The following EFR3A variants were observed in gnomAD, a reference collection of about 807,000 sequenced individuals.
EFR3A encodes the protein EFR3 homolog A.
EFR3A carries 76 observed loss-of-function variants against 104.4 expected under a neutral mutation model. That is an observed-to-expected ratio of 0.73 (90% CI 0.60 to 0.88). EFR3A has a LOEUF of 0.88. EFR3A is among the 40% of genes least tolerant of loss of function. EFR3A has a pLI of 0.00. For synonymous variants in EFR3A, 330 were observed against 330.0 expected, an observed-to-expected ratio of 1.00 and a Z score of 0.00; for missense variants, 985 against 1,012.5, an observed-to-expected ratio of 0.97 and a Z score of 0.37.
At chr8:131,942,722 C>T (rs1482336568) in intron 2 of EFR3A, among the ~76,000 whole-genome samples, 1 of 152,044 alleles carries the variant, frequency 6.6e-6, no homozygotes, top group Admixed American at 6.6e-5. Flanking sequence ...GTTGGAACAT[C>T]TCACCCAAAC....
chr8:132,001,399 C>T (rs891832256), intron 19 of EFR3A, among the ~76,000 whole-genome samples: 1 of 152,216 alleles, frequency 6.6e-6, no homozygotes, highest in African/African-American at 2.4e-5. Context: ...TCTCTCAGAG[C>T]ATTGTTTACT....
intron 18 of EFR3A, among the ~76,000 whole-genome samples, chr8:131,995,432 C>G (rs1326961572): frequency 6.6e-6 from 1 of 152,164 alleles, no homozygotes; most frequent in Non-Finnish European, 1.5e-5. Context: ...TGTGTAATGT[C>G]TATTCAGCAG....
chr8:131,907,932 C>T (rs1816331874), intron 1 of EFR3A, among the ~76,000 whole-genome samples: 1 of 152,100 alleles, frequency 6.6e-6, no homozygotes, highest in Admixed American at 6.5e-5. Context: ...TGGCTTGACA[C>T]TGCCCTGTTT....
At chr8:131,987,804 C>G in intron 18 of EFR3A, 102 bp downstream of exon 18, 1 of 1,250,840 alleles carries the variant, frequency 8.0e-7, no homozygotes. Context: ...GGTGTGTGTC[C>G]TTACTATAGC....
At chr8:131,973,951 C>G (rs1586633500) in intron 10 of EFR3A, among the ~76,000 whole-genome samples, 1 of 152,192 alleles carries the variant, frequency 6.6e-6, no homozygotes, top group African/African-American at 2.4e-5. Flanking sequence ...GCATTTCTTT[C>G]CTACTATTAT....
chr8:131,998,867 A>G (rs1005724074), intron 19 of EFR3A, among the ~76,000 whole-genome samples: 1 of 151,960 alleles, frequency 6.6e-6, no homozygotes, highest in African/African-American at 2.4e-5. Flanking sequence ...CACTACACAT[A>G]TATATGCATA....
At chr8:131,918,858 T>C (rs1175198836) in intron 1 of EFR3A, among the ~76,000 whole-genome samples, 2 of 152,246 alleles carry the variant, frequency 1.3e-5, no homozygotes, top group Non-Finnish European at 2.9e-5. Flanking sequence ...GTTTTAAAGC[T>C]GTTTTAAATT....
intron 1 of EFR3A, among the ~76,000 whole-genome samples, chr8:131,919,197 T>A (rs896780742): frequency 2.0e-5 from 3 of 152,156 alleles, no homozygotes; most frequent in Admixed American, 2.0e-4. Flanking sequence ...AATTTTAAAC[T>A]GTGACCTTAG....
rs187706636 is a variant in EFR3A, at chr8:131,926,927, A to G, written c.11-13572A>G. The stretch of plus-strand genomic sequence containing the variant: ...GATTAATATTTTAGTCTAATATATT[A>G]GAGAGGACTTCACATTTCCAAGGTT... On this transcript the variant is annotated intron_variant, in intron 1 of 22. Coordinates refer to ENST00000254624, the MANE Select transcript of EFR3A (RefSeq NM_015137.6). Among the ~76,000 whole-genome samples the G allele has an allele frequency of 2.2e-4, 33 of 152,314 alleles. 1 individual carries two copies. The highest frequency in any genetic ancestry group is 2.2e-3 in the Admixed American group (33 of 15,300).
intron 1 of EFR3A, among the ~76,000 whole-genome samples, chr8:131,910,936 T>C (rs1283203154): frequency 2.0e-5 from 3 of 152,138 alleles, no homozygotes; most frequent in Non-Finnish European, 4.4e-5. Flanking sequence ...AATCCCAATA[T>C]GGCCCGCAAC....
At chr8:131,925,934 G>A (rs1817274413) in intron 1 of EFR3A, among the ~76,000 whole-genome samples, 1 of 151,924 alleles carries the variant, frequency 6.6e-6, no homozygotes, top group Admixed American at 6.6e-5. Flanking sequence ...ATTCATTGTG[G>A]CTAGATTATT....
At chr8:131,919,145 C>T (rs538944197) in intron 1 of EFR3A, among the ~76,000 whole-genome samples, 2 of 151,550 alleles carry the variant, frequency 1.3e-5, no homozygotes, top group Admixed American at 1.3e-4. Context: ...TATCTTTTTT[C>T]CCCCCATATT....
intron 1 of EFR3A, among the ~76,000 whole-genome samples, chr8:131,905,588 T>G (rs1816217674): frequency 6.6e-6 from 1 of 152,226 alleles, no homozygotes; most frequent in Admixed American, 6.5e-5. Context: ...TGTGTGTCCT[T>G]AACTCACGTT....
intron 5 of EFR3A, among the ~76,000 whole-genome samples, chr8:131,953,105 T>G (rs1818789093): frequency 6.6e-6 from 1 of 152,100 alleles, no homozygotes; most frequent in African/African-American, 2.4e-5. Flanking sequence ...CTTGAACCTA[T>G]AGATTTTTAT....
At chr8:131,911,418 T>C (rs1164232042) in intron 1 of EFR3A, among the ~76,000 whole-genome samples, 1 of 152,168 alleles carries the variant, frequency 6.6e-6, no homozygotes, top group Non-Finnish European at 1.5e-5. Context: ...AGTTTAAGAA[T>C]TGCAGGATCA....
chr8:131,971,209 C>G (rs1265384021), intron 10 of EFR3A, among the ~76,000 whole-genome samples: 1 of 152,088 alleles, frequency 6.6e-6, no homozygotes, highest in South Asian at 2.1e-4. Flanking sequence ...CAATAATGTA[C>G]TATATTGACT....
chr8:131,944,126 G>C (rs1818306199), intron 2 of EFR3A, among the ~76,000 whole-genome samples: 1 of 151,964 alleles, frequency 6.6e-6, no homozygotes, highest in Non-Finnish European at 1.5e-5. Flanking sequence ...GTTATATATG[G>C]CCAAGAAACT....
At chr8:131,985,100 C>A in intron 16 of EFR3A, 40 bp downstream of exon 16, 2 of 1,560,622 alleles carry the variant, frequency 1.3e-6, no homozygotes, top group Non-Finnish European at 1.7e-6. Flanking sequence ...GAATTTTGTA[C>A]AAAATTGCTA....
At position 131,950,004 on chromosome 8, in the gene EFR3A, A is replaced by G. The variant is rs113265541; in HGVS notation, c.402A>G (p.Pro134=). 37 of 1,602,092 alleles carry G rather than the reference A, an allele frequency of 2.3e-5. No homozygotes were observed. In the African/African-American group the frequency reaches 4.7e-4, roughly 20 times the overall value. The change falls in exon 5 of 23, where the codon CCA becomes CCG. Residue 134 remains proline, a synonymous_variant. Coordinates refer to ENST00000254624, the MANE Select transcript of EFR3A (RefSeq NM_015137.6). The part of the protein sequence containing the change: ...VKFANIEEDT[P]SYHRRYDFFV... ...TTGCAAATATTGAAGAAGACACACCATCCTATCACAGACGTTATGACTTTT... is the reference window on the plus strand; with the variant it reads ...TTGCAAATATTGAAGAAGACACACCGTCCTATCACAGACGTTATGACTTTT...
Sources: gnomAD v4.1 joint callset for allele counts (sites outside exome capture counted in the v4.1 genomes callset) on GRCh38, gnomAD v4.1.1 for gene constraint, MANE v1.5 for transcripts, NCBI Gene and HGNC (gene_info 2026-07-23, HGNC 2026-07-21) for gene names.